CEP63: variants seen among roughly 807,000 people sequenced by gnomAD.
CEP63 encodes centrosomal protein of 63 kDa.
CEP63 carries 84 observed loss-of-function variants against 89.1 expected under a neutral mutation model. The ratio of observed to expected loss-of-function variants is 0.94; its 90% CI spans 0.79 to 1.13. The LOEUF (loss-of-function observed/expected upper bound fraction) is 1.13. Ranked by LOEUF, CEP63 falls within the 50% of genes most tolerant of loss-of-function variation. The probability of loss-of-function intolerance (pLI) is 0.00; values close to 1 mark genes in which losing one functional copy is unlikely to be tolerated. For missense variants in CEP63, 838 were observed against 813.3 expected, an observed-to-expected ratio of 1.03 and a Z score of -0.37; for synonymous variants, 267 against 272.5, an observed-to-expected ratio of 0.98 and a Z score of 0.20.
the CEP63 span, among the ~76,000 whole-genome samples, chr3:134,748,457 G>A: frequency 1.3e-5 from 2 of 151,810 alleles, no homozygotes. Flanking sequence ...GGGCTAGAAA[G>A]TAGTAGAACT....
At chr3:134,543,835 C>A (rs1187544775) in intron 6 of CEP63, among the ~76,000 whole-genome samples, 1 of 90,150 alleles carries the variant, frequency 1.1e-5, no homozygotes, top group African/African-American at 3.2e-5. Flanking sequence ...GGAAACCTTT[C>A]CTCTTTGAAA....
the CEP63 span, chr3:134,603,567 G>A: frequency 6.4e-6 from 10 of 1,557,510 alleles, no homozygotes; most frequent in East Asian, 2.3e-5. Context: ...GGGTAAGACC[G>A]GGGCACAGCC....
chr3:134,608,223 G>A, the CEP63 span: 1 of 1,187,066 alleles, frequency 8.4e-7, no homozygotes, highest in Non-Finnish European at 1.1e-6. Flanking sequence ...TTCTGTTGGG[G>A]ACCTGAGCCC....
chr3:134,640,106 A>G, the CEP63 span, among the ~76,000 whole-genome samples: 1 of 151,702 alleles, frequency 6.6e-6, no homozygotes, highest in East Asian at 1.9e-4. Flanking sequence ...TTCCTTTGCC[A>G]CCTGTTGCAT....
the CEP63 span, among the ~76,000 whole-genome samples, chr3:134,609,925 A>C: frequency 1.3e-5 from 2 of 152,230 alleles, no homozygotes; most frequent in South Asian, 4.1e-4. Context: ...GTCTGGGGGC[A>C]AATGCTGCAG....
the CEP63 span, among the ~76,000 whole-genome samples, chr3:134,778,476 A>T: frequency 6.6e-6 from 1 of 152,136 alleles, no homozygotes; most frequent in African/African-American, 2.4e-5. Flanking sequence ...AATGACAATG[A>T]CTAAAGTTTA....
chr3:134,486,369 T>A (rs1261016576), intron 1 of CEP63, 167 bp downstream of exon 1: 1 of 985,492 alleles, frequency 1.0e-6, no homozygotes, highest in Admixed American at 6.1e-5. Context: ...CGCAACGGCC[T>A]GCGAACCACC....
chr3:134,697,776 G>A, the CEP63 span, among the ~76,000 whole-genome samples: 1 of 152,204 alleles, frequency 6.6e-6, no homozygotes, highest in Non-Finnish European at 1.5e-5. Flanking sequence ...CTTATCATTA[G>A]CACTTAGCTT....
intron 3 of CEP63, among the ~76,000 whole-genome samples, chr3:134,513,975 C>G (rs1464403028): frequency 6.6e-6 from 1 of 151,994 alleles, no homozygotes; most frequent in African/African-American, 2.4e-5. Flanking sequence ...AGAAAATAAC[C>G]TGAGACAACA....
rs1957342319 is a variant in CEP63 at position 134,561,505 on chromosome 3, G to C, written c.2082G>C (p.Lys694Asn). Residue 694 changes from lysine to asparagine, a missense_variant, in exon 15 of 15, where the codon AAG becomes AAC. Transcript: ENST00000675561. ...HIEELKRESEKTVRQFTALK is the reference protein window; with the variant it reads ...HIEELKRESENTVRQFTALK ...AAGAACTAAAAAGAGAGAGTGAAAA[G>C]ACAGTGAGACAATTCACAGCCTTAA... 6.2e-7 allele frequency: 1 copy of C among 1,613,848 alleles called. No homozygotes were observed. The highest frequency in any genetic ancestry group is 2.2e-5 in the East Asian group (1 of 44,814).
chr3:134,538,770 G>A (rs899750909), intron 6 of CEP63, among the ~76,000 whole-genome samples: 2 of 151,208 alleles, frequency 1.3e-5, no homozygotes, highest in African/African-American at 4.9e-5. Flanking sequence ...AAAGCAAATT[G>A]AGTCTTAATT....
chr3:134,551,775 ATATATGTATATATATATATAAATATG>A (rs1397384189), intron 11 of CEP63, 125 bp from the exon 12 acceptor site: 8 of 192,100 alleles, frequency 4.2e-5, no homozygotes, highest in African/African-American at 1.7e-4. Flanking sequence ...ACGTACATAT[ATATATGTATATATATATATAAATATG>A]TATATGTATA....
At chr3:134,641,245 C>T in the CEP63 span, 2 of 152,116 alleles carry the variant, frequency 1.3e-5, no homozygotes, top group African/African-American at 4.8e-5. Flanking sequence ...GAAGAATGGC[C>T]TTTAGAGATA....
chr3:134,604,458 C>T, the CEP63 span: 16 of 1,606,082 alleles, frequency 1.0e-5, no homozygotes, highest in African/African-American at 4.0e-5. Context: ...CAATGGTGAC[C>T]GTGGCCTTCC....
At chr3:134,771,063 G>T in the CEP63 span, among the ~76,000 whole-genome samples, 98,954 of 152,056 alleles carry the variant, frequency 0.65, 33,704 homozygotes, top group East Asian at 0.87. Flanking sequence ...GTCAAGGAGG[G>T]TAATTGACAT....
chr3:134,651,004 G>A, the CEP63 span: 18 of 1,611,342 alleles, frequency 1.1e-5, no homozygotes, highest in Non-Finnish European at 1.4e-5. Flanking sequence ...CCGCACGCTA[G>A]GCTGCTTGCG....
intron 4 of CEP63, 69 bp from the exon 5 acceptor site, chr3:134,532,709 A>G: frequency 7.6e-7 from 1 of 1,323,634 alleles, no homozygotes; most frequent in Non-Finnish European, 1.1e-6. Context: ...TTTTCATAAT[A>G]CCAATTTGTC....
intron 1 of CEP63, among the ~76,000 whole-genome samples, chr3:134,491,676 C>G (rs1220257390): frequency 6.6e-6 from 1 of 152,098 alleles, no homozygotes; most frequent in Admixed American, 6.5e-5. Context: ...AATTAGGAGC[C>G]TTTCTGGAAA....
chr3:134,547,107 G>T (rs545477519), intron 8 of CEP63, among the ~76,000 whole-genome samples: 4 of 152,090 alleles, frequency 2.6e-5, no homozygotes, highest in Admixed American at 6.5e-5. Context: ...TTTTTCCCTT[G>T]AAAAAAGGCC....
Sources: gnomAD v4.1 joint callset for allele counts (sites outside exome capture counted in the v4.1 genomes callset) on GRCh38, gnomAD v4.1.1 for gene constraint, MANE v1.5 for transcripts, NCBI Gene and HGNC (gene_info 2026-07-23, HGNC 2026-07-21) for gene names.